Variants in COL14A1 observed in about 807,000 individuals in gnomAD.
COL14A1 encodes the protein collagen alpha-1(XIV) chain.
In COL14A1, 136 loss-of-function variants were observed where a neutral mutation model predicts 230.3. That is an observed-to-expected ratio of 0.59 (90% CI 0.51 to 0.68). COL14A1 has a LOEUF of 0.68. Ranked by LOEUF, COL14A1 falls within the 30% of genes least tolerant of loss-of-function variation. The pLI is 0.00. For synonymous variants in COL14A1, 792 were observed against 784.1 expected (o/e 1.01, Z -0.17); for missense variants, 1,976 against 2,215.8 (o/e 0.89, Z 2.17).
rs935430188 is a variant in COL14A1 at position 120,247,611 on chromosome 8, A to G, written c.2480-2A>G. The G allele has an allele frequency of 6.2e-7, 1 of 1,613,592 alleles. No homozygotes were observed. The highest frequency in any genetic ancestry group is 8.5e-7 in the Non-Finnish European group (1 of 1,179,802). On this transcript the variant is annotated splice_acceptor_variant, in intron 20 of 47. Coordinates refer to ENST00000297848, the MANE Select transcript of COL14A1 (RefSeq NM_021110.4). LOFTEE classifies it high-confidence loss of function. ...CTGTTTTTCCTTTTCTTTTCTACTC[A>G]GTACCATCCTCGGGGCCCCAGAACT...
chr8:120,223,599 G>A (rs1818000063), intron 14 of COL14A1, among the ~76,000 whole-genome samples: 1 of 152,134 alleles, frequency 6.6e-6, no homozygotes, highest in African/African-American at 2.4e-5. Context: ...GAAACCTGGA[G>A]GCGGAGGTTG....
At position 120,199,384 on chromosome 8, in the gene COL14A1, T is replaced by G. The variant is rs532602784; in HGVS notation, c.713-18T>G. The G allele has an allele frequency of 6.4e-7, 1 of 1,554,932 alleles. No homozygotes were observed. The highest frequency in any genetic ancestry group is 1.3e-5 in the South Asian group (1 of 79,384). On this transcript the variant is annotated intron_variant, in intron 7 of 47. Transcript: ENST00000297848. ...TATTAGAGATAGCTGGTGTTTACTT[T>G]TCCTTGTTTTCTCCAAGGTCTTGCT...
chr8:120,162,722 C>G (rs1316941562), intron 4 of COL14A1, among the ~76,000 whole-genome samples, 153 bp downstream of exon 4: 1 of 152,178 alleles, frequency 6.6e-6, no homozygotes, highest in African/African-American at 2.4e-5. Flanking sequence ...ACGAATTCCT[C>G]TGATCTCTAA....
At position 120,265,023 on chromosome 8, in the gene COL14A1, A is replaced by G. The variant is rs557627536; in HGVS notation, c.3017-1804A>G. Among the ~76,000 whole-genome samples the G allele has an allele frequency of 2.0e-5, 3 of 152,196 alleles. No homozygotes were observed. In the East Asian group the frequency reaches 5.8e-4, roughly 29 times the overall value. On this transcript the variant is annotated intron_variant, in intron 24 of 47. Coordinates refer to ENST00000297848, the MANE Select transcript of COL14A1 (RefSeq NM_021110.4). ...ATCTGTCTTCTTGTAGCTTCCACCC[A>G]TTGGTTCTGGTTCAACCTTCTGAAG...
chr8:120,226,506 T>C (rs1586783509), intron 15 of COL14A1, 121 bp from the exon 16 acceptor site: 2 of 992,296 alleles, frequency 2.0e-6, no homozygotes, highest in Non-Finnish European at 2.9e-6. Context: ...TTTCCTTCTT[T>C]CCTGTGCTTT....
At chr8:120,182,145 G>A (rs903694904) in intron 5 of COL14A1, among the ~76,000 whole-genome samples, 3 of 152,032 alleles carry the variant, frequency 2.0e-5, no homozygotes, top group African/African-American at 7.3e-5. Flanking sequence ...ATTCTCCAGT[G>A]GTAAGAAATC....
chr8:120,236,228 T>G (rs1199640140), intron 19 of COL14A1, among the ~76,000 whole-genome samples: 1 of 152,056 alleles, frequency 6.6e-6, no homozygotes. Context: ...TAAAGTTTCC[T>G]ACTATTATTG....
At chr8:120,290,260 A>C (rs890427042) in intron 34 of COL14A1, among the ~76,000 whole-genome samples, 1 of 152,188 alleles carries the variant, frequency 6.6e-6, no homozygotes, top group Non-Finnish European at 1.5e-5. Flanking sequence ...ACTAATGTAA[A>C]GTTTACCCTT....
At chr8:120,273,619 A>G (rs1688249002) in intron 26 of COL14A1, among the ~76,000 whole-genome samples, 1 of 151,810 alleles carries the variant, frequency 6.6e-6, no homozygotes, top group South Asian at 2.1e-4. Flanking sequence ...ATTACAACCA[A>G]CACCACAGAA....
intron 46 of COL14A1, among the ~76,000 whole-genome samples, chr8:120,369,125 T>C (rs576940522): frequency 6.6e-5 from 10 of 152,348 alleles, no homozygotes; most frequent in African/African-American, 1.9e-4. Flanking sequence ...ATTGAGAGCA[T>C]TGACCTCCAG....
intron 25 of COL14A1, chr8:120,267,105 C>A: frequency 2.1e-6 from 1 of 486,416 alleles, no homozygotes; most frequent in South Asian, 2.6e-5. Flanking sequence ...TTGCTTAATA[C>A]TATTTTTTTT....
intron 1 of COL14A1, among the ~76,000 whole-genome samples, chr8:120,145,948 C>T (rs1380390550): frequency 6.6e-6 from 1 of 152,090 alleles, no homozygotes; most frequent in African/African-American, 2.4e-5. Flanking sequence ...TTTTTGTAAG[C>T]AGAACAAGGT....
chr8:120,196,719 G>C lies in COL14A1; in HGVS notation c.437-72G>C, dbSNP rs1817050015. 3.7e-5 allele frequency: 55 copies of C among 1,476,548 alleles called. 1 individual carries two copies. Among genetic ancestry groups the C allele is most frequent in the Non-Finnish European group, 4.9e-5 (53 of 1,085,872 alleles). 91.5% of individuals were successfully genotyped at this position (1,476,548 alleles called of 1,614,324 possible). ...ATTCTTAGCACTAAGTTGTCTAAAA[G>C]ACATTAAGATGGACTGTTTTTGAAG... On this transcript the variant is annotated intron_variant, in intron 5 of 47. Coordinates refer to ENST00000297848, the MANE Select transcript of COL14A1 (RefSeq NM_021110.4).
At chr8:120,248,917 C>CTTTTTTTTTTTTTTT (rs71571673) in intron 21 of COL14A1, among the ~76,000 whole-genome samples, 1 of 84,196 alleles carries the variant, frequency 1.2e-5, no homozygotes, top group African/African-American at 5.0e-5. Flanking sequence ...TTCAATCTTT[C>CTTTTTTTTTTTTTTT]TTTTTTTTTT....
At chr8:120,234,415 C>A (rs773236181) in intron 19 of COL14A1, among the ~76,000 whole-genome samples, 7 of 152,140 alleles carry the variant, frequency 4.6e-5, no homozygotes, top group Admixed American at 1.3e-4. Context: ...ATGCTTCCAG[C>A]TTTTGCCCAT....
At chr8:120,334,514 C>T (rs1366210213) in intron 42 of COL14A1, among the ~76,000 whole-genome samples, 3 of 151,204 alleles carry the variant, frequency 2.0e-5, no homozygotes, top group Non-Finnish European at 4.4e-5. Context: ...AAGTATGATC[C>T]TGCACCTAGA....
chr8:120,346,462 G>A (rs1312436656), intron 45 of COL14A1, among the ~76,000 whole-genome samples: 1 of 152,164 alleles, frequency 6.6e-6, no homozygotes, highest in Non-Finnish European at 1.5e-5. Flanking sequence ...TTACCTATCT[G>A]CTCTGTGAGG....
At chr8:120,215,152 C>T (rs1414188220) in intron 13 of COL14A1, among the ~76,000 whole-genome samples, 1 of 152,112 alleles carries the variant, frequency 6.6e-6, no homozygotes, top group Non-Finnish European at 1.5e-5. Context: ...GGCAGATCAC[C>T]TGAGGTCAGG....
At chr8:120,186,579 T>C (rs1586747907) in intron 5 of COL14A1, among the ~76,000 whole-genome samples, 1 of 152,152 alleles carries the variant, frequency 6.6e-6, no homozygotes, top group East Asian at 1.9e-4. Flanking sequence ...CAACTTAGCC[T>C]CCAGCATTAG....
Sources: gnomAD v4.1 joint callset for allele counts (sites outside exome capture counted in the v4.1 genomes callset) on GRCh38, gnomAD v4.1.1 for gene constraint, MANE v1.5 for transcripts, NCBI Gene and HGNC (gene_info 2026-07-23, HGNC 2026-07-21) for gene names.